The following TRMT44 variants were observed in gnomAD, a reference collection of about 807,000 sequenced individuals.
TRMT44 encodes the protein probable tRNA (uracil-O(2)-)-methyltransferase.
A neutral mutation model predicts 77.3 loss-of-function variants in TRMT44; 78 were observed. That is an observed-to-expected ratio of 1.01 (90% CI 0.84 to 1.22). The LOEUF is 1.22. TRMT44 is among the 50% of genes most tolerant of loss of function. The pLI is 0.00. For missense variants in TRMT44, 1,090 were observed against 964.4 expected, an observed-to-expected ratio of 1.13 and a Z score of -1.73; for synonymous variants, 391 against 383.3, an observed-to-expected ratio of 1.02 and a Z score of -0.23.
chr4:8,460,501 T>C (rs1280427449), intron 6 of TRMT44, among the ~76,000 whole-genome samples: 2 of 152,038 alleles, frequency 1.3e-5, no homozygotes, highest in East Asian at 1.9e-4. Flanking sequence ...TTCATAGAAA[T>C]AGAAAATCAA....
At chr4:8,449,961 T>TCTTTTC in intron 3 of TRMT44, 73 bp downstream of exon 3, 2 of 791,766 alleles carry the variant, frequency 2.5e-6, no homozygotes, top group Non-Finnish European at 3.6e-6. Flanking sequence ...TTTTTTTTTT[T>TCTTTTC]TTTTTTTTTT....
At chr4:8,511,227 C>T in the TRMT44 span, among the ~76,000 whole-genome samples, 27 of 152,282 alleles carry the variant, frequency 1.8e-4, 1 homozygote, top group Admixed American at 8.5e-4. Context: ...TATGTGAGCC[C>T]GTTCCTGAAA....
intron 10 of TRMT44, chr4:8,473,472 G>T (rs62287395): frequency 0.026 from 3,946 of 152,432 alleles, 63 homozygotes; most frequent in South Asian, 0.04. Context: ...CCACAGTCCG[G>T]GCCAGGTCTG....
chr4:8,480,448 G>A (rs1475763493), downstream of TRMT44, among the ~76,000 whole-genome samples: 3 of 152,172 alleles, frequency 2.0e-5, no homozygotes, highest in Admixed American at 6.5e-5. Context: ...GTGAGCATTC[G>A]CAGTGGGTTT....
chr4:8,475,947 T>C lies in TRMT44; in HGVS notation c.2220T>C (p.His740=), dbSNP rs1209741757. ...ALSTDCCPFA[H]GPAELRPPRT... is the part of the protein sequence containing the mutation. ...CCACGGACTGCTGCCCGTTTGCCCA[T>C]GGGCCTGCGGAGCTGCGGCCACCCC... Residue 740 remains histidine (H), a synonymous_variant, in exon 11 of 11, where the codon CAT becomes CAC. Coordinates refer to ENST00000389737, the MANE Select transcript of TRMT44 (RefSeq NM_152544.3). 6.2e-7 allele frequency: 1 copy of C among 1,614,158 alleles called. No individual in the cohort carries two copies. Among genetic ancestry groups the C allele is most frequent in the East Asian group, 2.2e-5 (1 of 44,876 alleles).
At chr4:8,478,707 CGAGGGAAT>C (rs1042766379), downstream of TRMT44, 9 of 152,228 alleles carry the variant, frequency 5.9e-5, no homozygotes, top group African/African-American at 2.2e-4. Flanking sequence ...CAGGTGGGAT[CGAGGGAAT>C]GCCATGAAGG....
At chr4:8,464,213 C>T in intron 7 of TRMT44, 122 bp downstream of exon 7, 1 of 671,194 alleles carries the variant, frequency 1.5e-6, no homozygotes. Flanking sequence ...GTGGGTAGTT[C>T]CAATTGTTGA....
At position 8,476,533 on chromosome 4, in the gene TRMT44, TA is replaced by T. The variant is rs2109202152; in HGVS notation, c.*537del. On this transcript the variant is annotated 3_prime_UTR_variant, in exon 11 of 11. Transcript: ENST00000389737. ...AGGTTGTTTTTAGAGTTACAGAGAA[TA>T]AAAACACTCATAATTTCCTGACATG... is the stretch of plus-strand genomic sequence containing the variant. 6.4e-6 allele frequency: 1 copy of T among 155,478 alleles called. No homozygotes were observed. The highest frequency in any genetic ancestry group is 2.0e-4 in the South Asian group (1 of 5,040). 9.6% of individuals were successfully genotyped at this position (155,478 alleles called of 1,614,324 possible).
chr4:8,502,776 A>G, the TRMT44 span, among the ~76,000 whole-genome samples: 1,066 of 152,296 alleles, frequency 7.0e-3, 38 homozygotes, highest in Admixed American at 0.063. Flanking sequence ...GGTGGATGCT[A>G]TTGGTGAGAC....
Position 8,441,405 on chromosome 4 carries a change from C to T in TRMT44, c.583C>T (p.Pro195Ser). 2 of 1,525,730 alleles carry T rather than the reference C, an allele frequency of 1.3e-6. No individual in the cohort carries two copies. The highest frequency in any genetic ancestry group is 2.5e-5 in the East Asian group (1 of 40,608). 94.5% of individuals were successfully genotyped at this position (1,525,730 alleles called of 1,614,324 possible). ...TVIPKTSPHC[P>S]LTTPRREIVV... ...CATCCCGAAAACTAGCCCACATTGC[C>T]CCCTTACAACTCCCAGGAGGGAAAT... The change falls in exon 1 of 11, where the codon CCC (proline) becomes TCC (serine). Residue 195 changes from proline to serine, a missense_variant. By Grantham distance (74) the Pro-to-Ser change is moderately conservative. Transcript: ENST00000389737.
chr4:8,468,204 T>C lies in TRMT44; in HGVS notation c.1785T>C (p.Ala595=), dbSNP rs569793769. ...CTGGATTTCATCCCAGAGAAAAGGC[T>C]GAGCGTGTGAGGAACTGTGCCGCCC... is the stretch of plus-strand genomic sequence containing the variant. The part of the protein sequence containing the change: ...WLPGFHPREK[A]ERVRNCAALP... The change falls in exon 9 of 11, where the codon GCT becomes GCC. Residue 595 remains alanine, a synonymous_variant. Transcript: ENST00000389737. The C allele has an allele frequency of 6.2e-7, 1 of 1,614,240 alleles. No individual in the cohort carries two copies. Among genetic ancestry groups the C allele is most frequent in the Admixed American group, 1.7e-5 (1 of 60,034 alleles).
At chr4:8,502,381 C>T in the TRMT44 span, among the ~76,000 whole-genome samples, 2 of 152,222 alleles carry the variant, frequency 1.3e-5, no homozygotes, top group Admixed American at 6.5e-5. Context: ...TTCTAATCTT[C>T]AGCTGCTTAA....
chr4:8,465,174 C>T (rs1366215487), intron 7 of TRMT44, among the ~76,000 whole-genome samples: 1 of 152,190 alleles, frequency 6.6e-6, no homozygotes, highest in Non-Finnish European at 1.5e-5. Flanking sequence ...TCTTGCAGTA[C>T]ACCCATGCCA....
At chr4:8,466,790 G>A (rs922114822) in intron 8 of TRMT44, among the ~76,000 whole-genome samples, 1 of 152,206 alleles carries the variant, frequency 6.6e-6, no homozygotes, top group South Asian at 2.1e-4. Context: ...TCACTGGCAG[G>A]TTTGGGGATC....
In TRMT44 at chr4:8,461,522, G is replaced by A. The variant is rs1174549180; in HGVS notation, c.1204-2463G>A. On this transcript the variant is annotated intron_variant, in intron 6 of 10. Coordinates refer to ENST00000389737, the MANE Select transcript of TRMT44 (RefSeq NM_152544.3). The surrounding 1 kb of genome is among the most constrained non-coding windows in gnomAD (Gnocchi z 4.6). ...CCTAGGGAAGAGCTGGCTGCTGAGG[G>A]TGCCCCTTGGAGAACGGGCGGAGGC... is the stretch of plus-strand genomic sequence containing the variant. 6.6e-6 allele frequency among the ~76,000 whole-genome samples: 1 copy of A among 152,152 alleles called. No homozygotes were observed. The highest frequency in any genetic ancestry group is 2.4e-5 in the African/African-American group (1 of 41,442).
chr4:8,455,641 G>A (rs1725756014), intron 6 of TRMT44, among the ~76,000 whole-genome samples: 1 of 152,228 alleles, frequency 6.6e-6, no homozygotes, highest in South Asian at 2.1e-4. Context: ...TGACCATGGT[G>A]TATACGGAAC....
chr4:8,454,663 G>C (rs1378537756), intron 5 of TRMT44, 79 bp from the exon 6 acceptor site: 1 of 1,404,974 alleles, frequency 7.1e-7, no homozygotes. Flanking sequence ...GGCAGTGCCT[G>C]CAGAACTTTA....
intron 2 of TRMT44, among the ~76,000 whole-genome samples, chr4:8,483,539 C>G (rs1727701559): frequency 6.6e-6 from 1 of 152,138 alleles, no homozygotes; most frequent in African/African-American, 2.4e-5. Flanking sequence ...ACAGGTCTGA[C>G]TTCTGAGAAG....
intron 10 of TRMT44, among the ~76,000 whole-genome samples, chr4:8,472,985 TG>T (rs911856998): frequency 6.6e-6 from 1 of 152,136 alleles, no homozygotes; most frequent in Non-Finnish European, 1.5e-5. Flanking sequence ...CAGGTCACCC[TG>T]GGGGGGCAAA....
Sources: allele counts gnomAD v4.1 joint callset (sites outside exome capture counted in the v4.1 genomes callset), GRCh38; gene constraint gnomAD v4.1.1; non-coding constraint Gnocchi (gnomAD v3.1); transcripts MANE v1.5; gene names NCBI Gene and HGNC (gene_info 2026-07-23, HGNC 2026-07-21).